Variants in PTER observed in about 807,000 individuals in gnomAD.
PTER encodes N-acetyltaurine hydrolase.
PTER carries 38 observed loss-of-function variants against 29.6 expected under a neutral mutation model. That is an observed-to-expected ratio of 1.28 (90% CI 0.99 to 1.68). The LOEUF is 1.68. PTER is among the 40% of genes most tolerant of loss of function. The probability of loss-of-function intolerance (pLI) is 0.00; values close to 1 mark genes in which losing one functional copy is unlikely to be tolerated. For synonymous variants in PTER, 172 were observed against 154.5 expected, an observed-to-expected ratio of 1.11 and a Z score of -0.84; for missense variants, 482 against 427.8, an observed-to-expected ratio of 1.13 and a Z score of -1.12.
In PTER at chr10:16,484,711, G is replaced by T. The variant is rs147446984; in HGVS notation, c.327G>T (p.Thr109=). The change falls in exon 2 of 5, where the codon ACG becomes ACT. Residue 109 remains threonine (T), a synonymous_variant. Transcript: ENST00000535784. ...TTTGISRDTQ[T]LKRLAEETGV... is the part of the protein sequence containing the mutation. The stretch of plus-strand genomic sequence containing the variant: ...CTGGGATTAGCCGAGACACACAGAC[G>T]TTGAAGAGGCTTGCAGAAGAGACTG... 2 of 1,614,154 alleles carry T rather than the reference G, an allele frequency of 1.2e-6. No individual in the cohort carries two copies. Among genetic ancestry groups the T allele is most frequent in the Non-Finnish European group, 1.7e-6 (2 of 1,180,030 alleles).
rs1836895701 is a variant in PTER, at chr10:16,513,654, T to C, written c.*2398T>C. On this transcript the variant is annotated 3_prime_UTR_variant, in exon 5 of 5. Transcript: ENST00000535784. Reference sequence around the variant, plus strand: ...GCAGCTCAAATTAAACCTTTGTGCATTGGGTTATGAATAATCTTTTCTTCC... The same window carrying C: ...GCAGCTCAAATTAAACCTTTGTGCACTGGGTTATGAATAATCTTTTCTTCC... 1 of 152,610 alleles carries C rather than the reference T, an allele frequency of 6.6e-6. No homozygotes were observed. Among genetic ancestry groups the C allele is most frequent in the Non-Finnish European group, 1.5e-5 (1 of 68,004 alleles). The allele number at this position is 152,610 out of a possible 1,614,324, so 9.5% of individuals were successfully genotyped here. A position where few individuals can be genotyped will look rare whatever the true frequency, so the allele number is the denominator to read the frequency against.
intron 4 of PTER, among the ~76,000 whole-genome samples, chr10:16,508,992 C>G (rs2133519207): frequency 6.6e-6 from 1 of 152,302 alleles, no homozygotes; most frequent in Admixed American, 6.5e-5. Context: ...GTGTCTAACA[C>G]CTGTTTTCAA....
At chr10:16,437,893 G>A (rs559469983) in intron 1 of PTER, among the ~76,000 whole-genome samples, 1 of 152,298 alleles carries the variant, frequency 6.6e-6, no homozygotes, top group African/African-American at 2.4e-5. Flanking sequence ...GGAACTAAAG[G>A]TATACCCTTA....
At position 16,511,985 on chromosome 10, in the gene PTER, A is replaced by G. The variant is rs1237701090; in HGVS notation, c.*729A>G. Reference sequence around the variant, plus strand: ...TCAATCATAAAAGTCAAAATATATTACATAATATAGTTTAATGAATCATTA... The same window carrying G: ...TCAATCATAAAAGTCAAAATATATTGCATAATATAGTTTAATGAATCATTA... On this transcript the variant is annotated 3_prime_UTR_variant, in exon 5 of 5. Coordinates refer to ENST00000535784, the MANE Select transcript of PTER (RefSeq NM_001261836.2). The G allele has an allele frequency of 6.6e-6, 1 of 152,582 alleles. No homozygotes were observed. The highest frequency in any genetic ancestry group is 2.4e-5 in the African/African-American group (1 of 41,454). 9.5% of individuals were successfully genotyped at this position (152,582 alleles called of 1,614,324 possible). A position where few individuals can be genotyped will look rare whatever the true frequency, so the allele number is the denominator to read the frequency against.
chr10:16,465,700 A>G (rs1489872790), intron 1 of PTER, among the ~76,000 whole-genome samples: 6 of 152,168 alleles, frequency 3.9e-5, no homozygotes, highest in Non-Finnish European at 7.4e-5. Context: ...TGCTGTTTGT[A>G]TTAGTTCATT....
At chr10:16,508,070 C>CTTTTTT (rs56800279) in intron 4 of PTER, among the ~76,000 whole-genome samples, 26 of 127,866 alleles carry the variant, frequency 2.0e-4, no homozygotes, top group Admixed American at 5.0e-4. Context: ...TTTTCTTTTT[C>CTTTTTT]TTTTTTTTTT....
chr10:16,471,599 A>C (rs1835058585), intron 1 of PTER, among the ~76,000 whole-genome samples: 1 of 152,092 alleles, frequency 6.6e-6, no homozygotes, highest in African/African-American at 2.4e-5. Flanking sequence ...AAATACTTAA[A>C]CTAGTTTTGT....
intron 1 of PTER, among the ~76,000 whole-genome samples, chr10:16,438,669 T>C (rs1833743201): frequency 6.7e-6 from 1 of 149,788 alleles, no homozygotes; most frequent in South Asian, 2.2e-4. Flanking sequence ...GGCTCACACC[T>C]GTAATCCCGG....
At chr10:16,452,364 T>C (rs1834245171) in intron 1 of PTER, among the ~76,000 whole-genome samples, 1 of 151,520 alleles carries the variant, frequency 6.6e-6, no homozygotes. Flanking sequence ...TGGCATGATC[T>C]CGGCTCATTG....
At chr10:16,463,288 C>T (rs1834689498) in intron 1 of PTER, among the ~76,000 whole-genome samples, 1 of 151,758 alleles carries the variant, frequency 6.6e-6, no homozygotes, top group South Asian at 2.1e-4. Context: ...CTCAGCCAAG[C>T]TCCTGATAAA....
At chr10:16,445,191 GCATGCCTATGTTAGACAATAT>G (rs1197895636) in intron 1 of PTER, among the ~76,000 whole-genome samples, 1 of 152,242 alleles carries the variant, frequency 6.6e-6, no homozygotes, top group East Asian at 1.9e-4. Flanking sequence ...AATGAGGTAT[GCATGCCTATGTTAGACAATAT>G]TAAGTCGAGT....
chr10:16,479,473 T>A (rs1275002346), intron 1 of PTER, among the ~76,000 whole-genome samples: 1 of 151,914 alleles, frequency 6.6e-6, no homozygotes, highest in African/African-American at 2.4e-5. Flanking sequence ...ATGGAAGTAT[T>A]CAAACAAGCT....
intron 2 of PTER, among the ~76,000 whole-genome samples, chr10:16,485,740 G>T (rs1342387850): frequency 6.6e-6 from 1 of 152,124 alleles, no homozygotes; most frequent in Admixed American, 6.6e-5. Flanking sequence ...GTAGTATAGT[G>T]TGCTGTGAAT....
intron 3 of PTER, among the ~76,000 whole-genome samples, chr10:16,503,487 C>T (rs1564409652): frequency 6.6e-6 from 1 of 152,144 alleles, no homozygotes; most frequent in Non-Finnish European, 1.5e-5. Context: ...TCACTGCAAC[C>T]TCCGTCTCCC....
rs567502898 is a variant in PTER at position 16,485,707 on chromosome 10, C to T, written c.433-645C>T. Among the ~76,000 whole-genome samples, 8 of 152,214 alleles carry T rather than the reference C, an allele frequency of 5.3e-5. No individual in the cohort carries two copies. In the South Asian group the frequency reaches 1.5e-3, roughly 28 times the overall value. On this transcript the variant is annotated intron_variant, in intron 2 of 4. Transcript: ENST00000535784. ...CCAACCACTTTTAGTGGTAACTATA[C>T]ATATGAACCCAAAAGTCTAATAGTA...
In PTER at chr10:16,454,473, G is replaced by T. The variant is rs151045240; in HGVS notation, c.-49+17426G>T. Among the ~76,000 whole-genome samples the T allele has an allele frequency of 9.5e-3, 1,441 of 152,048 alleles. 29 individuals are homozygous for T. The highest frequency in any genetic ancestry group is 0.033 in the African/African-American group (1,361 of 41,464). ...CACCTGTAATCCCAGATACTTAGGA[G>T]GCTGAGACATGAGAATTGCTTGAAC... On this transcript the variant is annotated intron_variant, in intron 1 of 4. Transcript: ENST00000535784.
At chr10:16,475,944 A>G (rs571264349) in intron 1 of PTER, 21 of 152,376 alleles carry the variant, frequency 1.4e-4, no homozygotes, top group Non-Finnish European at 2.6e-4. Flanking sequence ...TGATTTGTCC[A>G]AGGATACTCA....
At chr10:16,456,481 A>G (rs933275186) in intron 1 of PTER, among the ~76,000 whole-genome samples, 2 of 152,206 alleles carry the variant, frequency 1.3e-5, no homozygotes, top group African/African-American at 4.8e-5. Context: ...TGTTGTTGCA[A>G]CTATGAAAAG....
intron 1 of PTER, among the ~76,000 whole-genome samples, chr10:16,477,041 G>A (rs1835295455): frequency 6.6e-6 from 1 of 151,916 alleles, no homozygotes; most frequent in Non-Finnish European, 1.5e-5. Context: ...AAGTAGCTGG[G>A]ACTATAGGCA....
Sources: allele counts gnomAD v4.1 joint callset (sites outside exome capture counted in the v4.1 genomes callset), GRCh38; gene constraint gnomAD v4.1.1; transcripts MANE v1.5; gene names NCBI Gene and HGNC (gene_info 2026-07-23, HGNC 2026-07-21).